LYRM4: variants seen among roughly 807,000 people sequenced by gnomAD.
The protein encoded by LYRM4 is LYR motif-containing protein 4.
A neutral mutation model predicts 11.7 loss-of-function variants in LYRM4; 9 were observed. That is an observed-to-expected ratio of 0.77 (90% CI 0.46 to 1.34). The LOEUF is 1.34. Among genes scored for constraint, LYRM4 ranks in the 40% most tolerant of loss-of-function variants. The probability of loss-of-function intolerance (pLI) is 0.00; values close to 1 mark genes in which losing one functional copy is unlikely to be tolerated. For synonymous variants in LYRM4, 42 were observed against 40.4 expected (o/e 1.04, Z -0.15); for missense variants, 133 against 112.5 (o/e 1.18, Z -0.82).
the LYRM4 span, among the ~76,000 whole-genome samples, chr6:5,041,323 C>T: frequency 6.6e-6 from 1 of 152,180 alleles, no homozygotes; most frequent in Non-Finnish European, 1.5e-5. Context: ...CCTTCTGTTT[C>T]CCAAAATTAA....
At chr6:5,047,002 A>G in the LYRM4 span, among the ~76,000 whole-genome samples, 1 of 152,004 alleles carries the variant, frequency 6.6e-6, no homozygotes, top group African/African-American at 2.4e-5. Flanking sequence ...GCGGTGGGAG[A>G]ATCTCCTGAG....
Position 5,191,609 on chromosome 6 carries a change from T to C in LYRM4, c.207+25009A>G, listed in dbSNP as rs1760760145. Reference sequence around the variant, plus strand: ...ATTAAAACGGGCCCTAGTGTGTTATTAAGAAGACAACTTGGTGATCAGAGA... The same window carrying C: ...ATTAAAACGGGCCCTAGTGTGTTATCAAGAAGACAACTTGGTGATCAGAGA... On this transcript the variant is annotated intron_variant, in intron 2 of 2. Transcript: ENST00000330636. Among the ~76,000 whole-genome samples the C allele has an allele frequency of 3.3e-5, 5 of 152,302 alleles. No homozygotes were observed. The South Asian group carries it at 1.0e-3, about 32-fold the overall frequency.
the LYRM4 span, among the ~76,000 whole-genome samples, chr6:5,096,994 C>T: frequency 3.9e-5 from 6 of 152,338 alleles, no homozygotes; most frequent in East Asian, 1.2e-3. Flanking sequence ...GCTTCTTGTC[C>T]ACATGGTGGG....
intron 2 of LYRM4, among the ~76,000 whole-genome samples, chr6:5,119,229 G>C (rs1189236996): frequency 6.6e-6 from 1 of 152,062 alleles, no homozygotes; most frequent in African/African-American, 2.4e-5. Flanking sequence ...TCATATCCCT[G>C]CCCACTATCC....
the LYRM4 span, among the ~76,000 whole-genome samples, chr6:5,064,797 CAG>C: frequency 6.6e-6 from 1 of 152,150 alleles, no homozygotes; most frequent in Non-Finnish European, 1.5e-5. Context: ...GTGATCAAAT[CAG>C]GGGAATTAAG....
chr6:5,129,132 C>T (rs557283072), intron 2 of LYRM4, among the ~76,000 whole-genome samples: 1 of 152,216 alleles, frequency 6.6e-6, no homozygotes, highest in African/African-American at 2.4e-5. Flanking sequence ...ATGGTGTGAT[C>T]TTCGGACTGC....
the LYRM4 span, among the ~76,000 whole-genome samples, chr6:5,095,153 C>G: frequency 6.6e-6 from 1 of 152,124 alleles, no homozygotes; most frequent in African/African-American, 2.4e-5. Context: ...ACTATGTCTA[C>G]GAACATTTTT....
At chr6:5,197,897 T>A (rs2773289) in intron 2 of LYRM4, among the ~76,000 whole-genome samples, 1 of 151,390 alleles carries the variant, frequency 6.6e-6, no homozygotes, top group African/African-American at 2.4e-5. Flanking sequence ...CAGCGCCGGG[T>A]GCGGTGGCTC....
At chr6:5,133,953 A>T (rs1190988840) in intron 2 of LYRM4, among the ~76,000 whole-genome samples, 1 of 152,222 alleles carries the variant, frequency 6.6e-6, no homozygotes, top group Non-Finnish European at 1.5e-5. Flanking sequence ...ACTTCTAAGG[A>T]TGAATAATAT....
chr6:5,251,497 C>A (rs904063651), intron 1 of LYRM4, among the ~76,000 whole-genome samples: 3 of 152,136 alleles, frequency 2.0e-5, no homozygotes, highest in Non-Finnish European at 4.4e-5. Flanking sequence ...GAAGGGGGAG[C>A]AGACACATCA....
chr6:5,040,124 C>A, the LYRM4 span, among the ~76,000 whole-genome samples: 1 of 152,120 alleles, frequency 6.6e-6, no homozygotes, highest in Non-Finnish European at 1.5e-5. Flanking sequence ...TTTAAACAGC[C>A]TGGGCAACAT....
intron 1 of LYRM4, among the ~76,000 whole-genome samples, chr6:5,239,166 C>T (rs534381840): frequency 2.0e-5 from 3 of 152,244 alleles, no homozygotes; most frequent in African/African-American, 4.8e-5. Context: ...GCAATCAACT[C>T]GTGAGACATA....
chr6:5,066,850 A>G, the LYRM4 span: 7 of 851,192 alleles, frequency 8.2e-6, no homozygotes, highest in Non-Finnish European at 1.4e-5. Flanking sequence ...GAGGAGTCAG[A>G]CAGGCCACGG....
intron 2 of LYRM4, among the ~76,000 whole-genome samples, chr6:5,165,013 A>T (rs1758993665): frequency 6.6e-6 from 1 of 152,062 alleles, no homozygotes. Context: ...AGAAAAAAAA[A>T]AGTTATTATG....
intron 2 of LYRM4, among the ~76,000 whole-genome samples, chr6:5,125,009 A>G (rs895265764): frequency 2.0e-5 from 3 of 152,214 alleles, no homozygotes; most frequent in Non-Finnish European, 4.4e-5. Context: ...CTAGCAGTGC[A>G]GGGCTTCCCT....
At chr6:5,251,563 A>G (rs1384141691) in intron 1 of LYRM4, among the ~76,000 whole-genome samples, 1 of 152,178 alleles carries the variant, frequency 6.6e-6, no homozygotes, top group Non-Finnish European at 1.5e-5. Context: ...CTTTAAAACA[A>G]CCGGATCTCA....
the LYRM4 span, among the ~76,000 whole-genome samples, chr6:5,065,241 C>T: frequency 6.8e-6 from 1 of 147,820 alleles, no homozygotes; most frequent in Non-Finnish European, 1.5e-5. Flanking sequence ...TCTAGATATA[C>T]TACAGTTTAC....
At chr6:5,198,249 A>G (rs903108183) in intron 2 of LYRM4, among the ~76,000 whole-genome samples, 4 of 152,198 alleles carry the variant, frequency 2.6e-5, no homozygotes, top group Non-Finnish European at 4.4e-5. Context: ...AGTTTTGGAC[A>G]TCACGGCTTT....
chr6:5,230,118 C>T (rs979651529), intron 1 of LYRM4, among the ~76,000 whole-genome samples: 1 of 152,170 alleles, frequency 6.6e-6, no homozygotes, highest in African/African-American at 2.4e-5. Flanking sequence ...GTCTCTGGCT[C>T]CTTTTTTGTT....
Sources: gnomAD v4.1 joint callset for allele counts (sites outside exome capture counted in the v4.1 genomes callset) on GRCh38, gnomAD v4.1.1 for gene constraint, MANE v1.5 for transcripts, NCBI Gene and HGNC (gene_info 2026-07-23, HGNC 2026-07-21) for gene names.